VCL: variants seen among roughly 807,000 people sequenced by gnomAD.
VCL encodes the protein vinculin, also known as epididymis luminal protein 114.
VCL carries 47 observed loss-of-function variants against 125.7 expected under a neutral mutation model. That is an observed-to-expected ratio of 0.37 (90% CI 0.30 to 0.48). The LOEUF is 0.48. Ranked by LOEUF, VCL falls within the 20% of genes least tolerant of loss-of-function variation. The pLI is 0.99. For missense variants in VCL, 1,069 were observed against 1,455.5 expected, an observed-to-expected ratio of 0.73 and a Z score of 4.32; for synonymous variants, 458 against 514.6, an observed-to-expected ratio of 0.89 and a Z score of 1.49.
chr10:74,024,764 G>A (rs922522526), intron 1 of VCL, among the ~76,000 whole-genome samples: 1 of 152,192 alleles, frequency 6.6e-6, no homozygotes, highest in African/African-American at 2.4e-5. Context: ...TCATGCCTAA[G>A]CAAATAACAG....
intron 1 of VCL, among the ~76,000 whole-genome samples, chr10:74,038,682 C>T (rs1377286744): frequency 6.6e-6 from 1 of 152,204 alleles, no homozygotes; most frequent in Non-Finnish European, 1.5e-5. Flanking sequence ...TCCTTACCTA[C>T]TCCTACTCTT....
At position 74,052,999 on chromosome 10, in the gene VCL, G is replaced by T. The variant is rs1841334279; in HGVS notation, c.239+9846G>T. Among the ~76,000 whole-genome samples the T allele has an allele frequency of 3.3e-5, 5 of 149,628 alleles. No homozygotes were observed. In the South Asian group the frequency reaches 1.0e-3, roughly 31 times the overall value. ...AATTTAATTTGCTAATATTTTAAAAGGATTTTGCATTTTTGCTCATGAGGG... is the reference window on the plus strand; with the variant it reads ...AATTTAATTTGCTAATATTTTAAAATGATTTTGCATTTTTGCTCATGAGGG... On this transcript the variant is annotated intron_variant, in intron 2 of 21. Coordinates refer to ENST00000211998, the MANE Select transcript of VCL (RefSeq NM_014000.3).
intron 1 of VCL, among the ~76,000 whole-genome samples, chr10:74,000,570 G>A (rs1440117296): frequency 6.6e-6 from 1 of 151,962 alleles, no homozygotes; most frequent in Non-Finnish European, 1.5e-5. Context: ...TCGCACCACC[G>A]TGGCCAGCTA....
In VCL at chr10:74,105,298, C is replaced by A; in HGVS notation, c.2379C>A (p.Thr793=). Residue 793 remains threonine, a synonymous_variant, in exon 16 of 22, where the codon ACC becomes ACA. Coordinates refer to ENST00000211998, the MANE Select transcript of VCL (RefSeq NM_014000.3). ...VKAASDELSK[T]ISPMVMDAKA... is the part of the protein sequence containing the mutation. ...CTGCCTCTGATGAATTGAGCAAAAC[C>A]ATCTCCCCGATGGTGATGGATGCAA... is the stretch of plus-strand genomic sequence containing the variant. 6.2e-7 allele frequency: 1 copy of A among 1,613,436 alleles called. No individual in the cohort carries two copies. The highest frequency in any genetic ancestry group is 8.5e-7 in the Non-Finnish European group (1 of 1,180,036).
At chr10:74,049,302 T>C (rs1017791037) in intron 2 of VCL, among the ~76,000 whole-genome samples, 4 of 152,302 alleles carry the variant, frequency 2.6e-5, no homozygotes, top group Non-Finnish European at 5.9e-5. Context: ...CTGGGAATTA[T>C]GCATAATCCC....
At chr10:74,005,515 C>T (rs1383172730) in intron 1 of VCL, among the ~76,000 whole-genome samples, 1 of 152,196 alleles carries the variant, frequency 6.6e-6, no homozygotes, top group Non-Finnish European at 1.5e-5. Context: ...CTTGGCCTCC[C>T]AAAGTGCTGG....
chr10:74,064,889 G>A (rs889921049), intron 2 of VCL, among the ~76,000 whole-genome samples: 1 of 152,132 alleles, frequency 6.6e-6, no homozygotes, highest in Admixed American at 6.5e-5. Flanking sequence ...CAACTCATTT[G>A]AATGATAAAT....
At chr10:74,047,854 G>A (rs906745102) in intron 2 of VCL, among the ~76,000 whole-genome samples, 1 of 152,164 alleles carries the variant, frequency 6.6e-6, no homozygotes, top group East Asian at 1.9e-4. Flanking sequence ...TACAATTGTC[G>A]ATGAGGAACT....
In VCL at chr10:74,072,940, C is replaced by G. The variant is rs79479684; in HGVS notation, c.622+88C>G. ...GGTTCATTTTGTTTTCTTTTGTTTT[C>G]TTTTCTTTTTTTTTTTTTTGAGATG... On this transcript the variant is annotated intron_variant, in intron 5 of 21. Coordinates refer to ENST00000211998, the MANE Select transcript of VCL (RefSeq NM_014000.3). The G allele has an allele frequency of 0.012, 18,021 of 1,501,124 alleles. 1,731 individuals are homozygous for G. In the African/African-American group the frequency reaches 0.22, roughly 18 times the overall value. The allele number at this position is 1,501,124 out of a possible 1,614,324, so 93.0% of individuals were successfully genotyped here. A position where few individuals can be genotyped will look rare whatever the true frequency, so the allele number is the denominator to read the frequency against.
chr10:74,031,003 A>T (rs1286778034), intron 1 of VCL, among the ~76,000 whole-genome samples: 1 of 152,230 alleles, frequency 6.6e-6, no homozygotes, highest in South Asian at 2.1e-4. Context: ...GGCCTAGATC[A>T]CTGTTTCCTA....
Position 74,097,404 on chromosome 10 carries a change from C to T in VCL, c.1872+72C>T. The T allele has an allele frequency of 1.9e-6, 3 of 1,583,688 alleles. No individual in the cohort carries two copies. The highest frequency in any genetic ancestry group is 2.6e-6 in the Non-Finnish European group (3 of 1,167,136). On this transcript the variant is annotated intron_variant, in intron 13 of 21. Coordinates refer to ENST00000211998, the MANE Select transcript of VCL (RefSeq NM_014000.3). The surrounding 1 kb of genome is among the most constrained non-coding windows in gnomAD (Gnocchi z 4.1). ...TATATGTAAAGGTGAAATGTGATTACAGTGGACATCAGGATCAGTGGTTGG... is the reference window on the plus strand; with the variant it reads ...TATATGTAAAGGTGAAATGTGATTATAGTGGACATCAGGATCAGTGGTTGG...
intron 10 of VCL, among the ~76,000 whole-genome samples, chr10:74,093,869 G>C (rs911963454): frequency 6.6e-6 from 1 of 152,168 alleles, no homozygotes; most frequent in African/African-American, 2.4e-5. Flanking sequence ...GGACTCAAAA[G>C]ATAGTATTAC....
chr10:74,054,439 G>C (rs1841359717), intron 2 of VCL, among the ~76,000 whole-genome samples: 1 of 152,154 alleles, frequency 6.6e-6, no homozygotes, highest in African/African-American at 2.4e-5. Context: ...TCTCCAGACT[G>C]TGTTCTTCTT....
intron 1 of VCL, among the ~76,000 whole-genome samples, chr10:74,014,354 C>A (rs1017565650): frequency 1.3e-5 from 2 of 151,972 alleles, no homozygotes; most frequent in Admixed American, 6.6e-5. Context: ...ACATCAGCCT[C>A]CCCAGTAGCT....
intron 16 of VCL, 76 bp downstream of exon 16, chr10:74,105,429 CCA>C: frequency 6.4e-7 from 1 of 1,560,902 alleles, no homozygotes; most frequent in Non-Finnish European, 8.8e-7. Flanking sequence ...AATATGTACC[CCA>C]CAACCACCAC....
chr10:74,101,542 G>GTTTTTTTTTTTTT (rs964739371), intron 14 of VCL, among the ~76,000 whole-genome samples: 18 of 88,146 alleles, frequency 2.0e-4, no homozygotes, highest in African/African-American at 2.9e-4. Context: ...CTATTTATTA[G>GTTTTTTTTTTTTT]TTTTTTTTTT....
chr10:74,003,237 A>G (rs1840263931), intron 1 of VCL, among the ~76,000 whole-genome samples: 1 of 151,908 alleles, frequency 6.6e-6, no homozygotes, highest in South Asian at 2.1e-4. Flanking sequence ...TTAAAACTCT[A>G]TTTAAGGCAG....
intron 2 of VCL, among the ~76,000 whole-genome samples, chr10:74,070,409 A>C (rs1182292817): frequency 6.6e-6 from 1 of 152,176 alleles, no homozygotes; most frequent in Non-Finnish European, 1.5e-5. Flanking sequence ...GCACTGAATG[A>C]ATGTGCTGCT....
At chr10:74,116,020 T>C (rs971523646) in intron 21 of VCL, among the ~76,000 whole-genome samples, 1 of 152,192 alleles carries the variant, frequency 6.6e-6, no homozygotes, top group Non-Finnish European at 1.5e-5. Flanking sequence ...CATAGTTTTG[T>C]TGGACTAGCC....
Sources: gnomAD v4.1 joint callset for allele counts (sites outside exome capture counted in the v4.1 genomes callset) on GRCh38, gnomAD v4.1.1 for gene constraint, Gnocchi (gnomAD v3.1) non-coding constraint, MANE v1.5 for transcripts, NCBI Gene and HGNC (gene_info 2026-07-23, HGNC 2026-07-21) for gene names.